The following KDM4C variants were observed in gnomAD, a reference collection of about 807,000 sequenced individuals.
KDM4C encodes lysine-specific demethylase 4C.
A neutral mutation model predicts 129.3 loss-of-function variants in KDM4C; 81 were observed. The ratio of observed to expected loss-of-function variants is 0.63; its 90% CI spans 0.52 to 0.75. KDM4C has a LOEUF of 0.75. KDM4C is among the 30% of genes least tolerant of loss of function. The probability of loss-of-function intolerance (pLI) is 0.00; values close to 1 mark genes in which losing one functional copy is unlikely to be tolerated. For synonymous variants in KDM4C, 573 were observed against 456.1 expected (o/e 1.26, Z -3.26); for missense variants, 1,457 against 1,304.0 (o/e 1.12, Z -1.81).
intron 17 of KDM4C, among the ~76,000 whole-genome samples, chr9:7,051,972 T>C (rs888202826): frequency 3.3e-5 from 5 of 152,190 alleles, no homozygotes; most frequent in African/African-American, 1.2e-4. Context: ...CATTGCCAGC[T>C]ATCCCCTGGG....
rs572410050 is a variant in KDM4C at position 7,126,683 on chromosome 9, T to G, written c.2611-1383T>G. ...TCATTGTTCCATCTACTGGAAAGGT[T>G]GAGAATCAAAGATACTCCTCTAATA... On this transcript the variant is annotated intron_variant, in intron 18 of 21. Transcript: ENST00000381309. Among the ~76,000 whole-genome samples, 39 of 152,288 alleles carry G rather than the reference T, an allele frequency of 2.6e-4. No homozygotes were observed. In the South Asian group the frequency reaches 2.9e-3, roughly 11 times the overall value.
At chr9:6,757,142 A>C (rs938397883), upstream of KDM4C, among the ~76,000 whole-genome samples, 2 of 152,192 alleles carry the variant, frequency 1.3e-5, no homozygotes, top group Non-Finnish European at 2.9e-5. Context: ...GACACCTCGG[A>C]AGGCGGAGTT....
intron 2 of KDM4C, among the ~76,000 whole-genome samples, chr9:6,803,403 C>T (rs1405975537): frequency 6.6e-6 from 1 of 151,806 alleles, no homozygotes; most frequent in Non-Finnish European, 1.5e-5. Context: ...AAAACTCGTC[C>T]TATTAAAAAT....
intron 1 of KDM4C, chr9:6,734,869 C>A: frequency 1.8e-6 from 1 of 542,280 alleles, no homozygotes; most frequent in Non-Finnish European, 3.7e-6. Flanking sequence ...TTGTTTCTTG[C>A]ACCAATAAGA....
At chr9:7,030,015 C>G (rs1169257021) in intron 15 of KDM4C, among the ~76,000 whole-genome samples, 1 of 151,860 alleles carries the variant, frequency 6.6e-6, no homozygotes, top group Admixed American at 6.6e-5. Flanking sequence ...AATACAGTAG[C>G]CAGTATACCT....
intron 15 of KDM4C, among the ~76,000 whole-genome samples, chr9:7,018,405 A>G (rs191999700): frequency 2.0e-5 from 3 of 152,382 alleles, no homozygotes; most frequent in Admixed American, 2.0e-4. Context: ...AATGTAAAGC[A>G]TATTTAACAC....
At chr9:6,960,366 AC>A (rs919612668) in intron 8 of KDM4C, among the ~76,000 whole-genome samples, 1 of 149,308 alleles carries the variant, frequency 6.7e-6, no homozygotes, top group Non-Finnish European at 1.5e-5. Context: ...TGCAGCCTGG[AC>A]CTCCTGGGCT....
At chr9:6,796,034 G>A (rs901438258) in intron 2 of KDM4C, among the ~76,000 whole-genome samples, 3 of 152,154 alleles carry the variant, frequency 2.0e-5, no homozygotes, top group Non-Finnish European at 2.9e-5. Context: ...TTAGGGGTGG[G>A]TGAGAGAGAG....
intron 1 of KDM4C, among the ~76,000 whole-genome samples, chr9:6,744,253 C>A (rs1488589621): frequency 6.6e-6 from 1 of 152,134 alleles, no homozygotes; most frequent in African/African-American, 2.4e-5. Flanking sequence ...CTGCCGGGCA[C>A]AGTGGCTCAT....
chr9:7,006,740 A>C (rs192858842), intron 12 of KDM4C, among the ~76,000 whole-genome samples: 1 of 152,120 alleles, frequency 6.6e-6, no homozygotes, highest in Non-Finnish European at 1.5e-5. Context: ...CTGCTTGCAT[A>C]GCTATTTCTA....
At chr9:6,911,756 T>C (rs1349712174) in intron 8 of KDM4C, among the ~76,000 whole-genome samples, 1 of 152,234 alleles carries the variant, frequency 6.6e-6, no homozygotes, top group Admixed American at 6.5e-5. Flanking sequence ...GCAAAGGACA[T>C]GTTTGTGAAC....
chr9:6,831,626 G>T (rs928913777), intron 4 of KDM4C, among the ~76,000 whole-genome samples: 7 of 152,162 alleles, frequency 4.6e-5, no homozygotes, highest in African/African-American at 1.7e-4. Flanking sequence ...ACAGGTGTAA[G>T]CCAGCGCACC....
intron 15 of KDM4C, among the ~76,000 whole-genome samples, chr9:7,034,469 T>A: frequency 6.6e-6 from 1 of 152,220 alleles, no homozygotes; most frequent in East Asian, 1.9e-4. Context: ...TAATTTTCTG[T>A]TCCTGGCTTA....
chr9:6,866,904 C>CATATATAT (rs141311036), intron 5 of KDM4C, among the ~76,000 whole-genome samples: 51 of 131,074 alleles, frequency 3.9e-4, no homozygotes, highest in African/African-American at 1.3e-3. Flanking sequence ...TATATATATA[C>CATATATAT]ATATATATAT....
Position 6,953,584 on chromosome 9 carries a change from T to C in KDM4C, c.922-27341T>C, listed in dbSNP as rs975117053. ...GCTCATTTTGAAAATAATGTGTATT[T>C]AAGGGAGTAATATTTTGTTTCAAAT... On this transcript the variant is annotated intron_variant, in intron 8 of 21. Coordinates refer to ENST00000381309, the MANE Select transcript of KDM4C (RefSeq NM_015061.6). 1.1e-4 allele frequency among the ~76,000 whole-genome samples: 16 copies of C among 152,322 alleles called. No homozygotes were observed. In the South Asian group the frequency reaches 2.5e-3, roughly 24 times the overall value.
intron 18 of KDM4C, among the ~76,000 whole-genome samples, chr9:7,116,679 G>A (rs6477160): frequency 0.47 from 72,220 of 152,070 alleles, 17,411 homozygotes; most frequent in East Asian, 0.75. Context: ...CATTGGCGAG[G>A]TAGGCAGAAT....
chr9:7,055,126 C>T (rs1027883549), intron 17 of KDM4C, among the ~76,000 whole-genome samples: 13 of 152,044 alleles, frequency 8.6e-5, no homozygotes, highest in East Asian at 5.8e-4. Flanking sequence ...TGCAGTGAAC[C>T]GAGATGGCGC....
chr9:6,850,434 A>T (rs1838629312), intron 5 of KDM4C, among the ~76,000 whole-genome samples: 1 of 151,694 alleles, frequency 6.6e-6, no homozygotes, highest in African/African-American at 2.4e-5. Flanking sequence ...ATCCTCCTCT[A>T]ATTATTTTTA....
intron 1 of KDM4C, among the ~76,000 whole-genome samples, chr9:6,771,658 A>C (rs1821870041): frequency 6.6e-6 from 1 of 152,196 alleles, no homozygotes; most frequent in African/African-American, 2.4e-5. Context: ...ACTAAGGATG[A>C]GTAGTCTCCA....
Sources: gnomAD v4.1 joint callset for allele counts (sites outside exome capture counted in the v4.1 genomes callset) on GRCh38, gnomAD v4.1.1 for gene constraint, MANE v1.5 for transcripts, NCBI Gene and HGNC (gene_info 2026-07-23, HGNC 2026-07-21) for gene names.